The following SLC38A2 variants were observed in gnomAD, a reference collection of about 807,000 sequenced individuals.
The protein encoded by SLC38A2 is sodium-coupled neutral amino acid symporter 2.
SLC38A2 carries 11 observed loss-of-function variants against 61.5 expected under a neutral mutation model. The observed-to-expected ratio is 0.18, with a 90% CI of 0.11 to 0.30. The LOEUF (loss-of-function observed/expected upper bound fraction) is 0.30, where lower values mean the gene tolerates loss of function less well. Ranked by LOEUF, SLC38A2 falls within the 10% of genes least tolerant of loss-of-function variation. The pLI, the probability that SLC38A2 is intolerant of heterozygous loss-of-function variation, is 1.00. For synonymous variants in SLC38A2, 217 were observed against 212.5 expected (o/e 1.02, Z -0.18); for missense variants, 522 against 600.4 (o/e 0.87, Z 1.36).
At chr12:46,364,329 A>G in intron 10 of SLC38A2, 60 bp downstream of exon 10, 1 of 1,476,918 alleles carries the variant, frequency 6.8e-7, no homozygotes. Context: ...CTGGGAGTGA[A>G]TAGCTTCCCT....
rs1479334335 is a variant in SLC38A2, at chr12:46,367,517, T to C, written c.315-177A>G. On this transcript the variant is annotated intron_variant, in intron 4 of 15. Coordinates refer to ENST00000256689, the MANE Select transcript of SLC38A2 (RefSeq NM_018976.5). Reference sequence around the variant, plus strand: ...TGGAATGGCAACACTGTCTCTTGGCTGGCAGTAAAAACTTGCATCATTTCT... The same window carrying C: ...TGGAATGGCAACACTGTCTCTTGGCCGGCAGTAAAAACTTGCATCATTTCT... 6.6e-6 allele frequency: 4 copies of C among 604,314 alleles called. No homozygotes were observed. In the East Asian group the frequency reaches 1.1e-4, roughly 17 times the overall value. The allele number at this position is 604,314 out of a possible 1,614,324, so 37.4% of individuals were successfully genotyped here.
intron 8 of SLC38A2, 150 bp downstream of exon 8, chr12:46,364,957 T>C (rs1264949090): frequency 3.9e-6 from 3 of 765,868 alleles, no homozygotes; most frequent in African/African-American, 1.8e-5. Context: ...ATTAAATATT[T>C]TGGCTCCTAA....
In SLC38A2 at chr12:46,361,027, A is replaced by C; in HGVS notation, c.*84T>G. The C allele has an allele frequency of 6.7e-6, 7 of 1,041,294 alleles. No homozygotes were observed. The highest frequency in any genetic ancestry group is 1.0e-5 in the Non-Finnish European group (7 of 693,016). The allele number at this position is 1,041,294 out of a possible 1,614,324, so 64.5% of individuals were successfully genotyped here. The stretch of plus-strand genomic sequence containing the variant: ...TGCACTTCAAAAGGAAGTGAAACTG[A>C]AAACATTAGGTGAAATTTCATAGTA... On this transcript the variant is annotated 3_prime_UTR_variant, in exon 16 of 16. Transcript: ENST00000256689.
intron 9 of SLC38A2, 38 bp from the exon 10 acceptor site, chr12:46,364,594 A>G (rs756609225): frequency 1.9e-6 from 3 of 1,598,004 alleles, no homozygotes; most frequent in Admixed American, 3.6e-5. Context: ...AAACTAAGTG[A>G]CATGGCAGGG....
intron 10 of SLC38A2, 24 bp from the exon 11 acceptor site, chr12:46,364,027 CTTAA>C (rs753942327): frequency 6.3e-7 from 1 of 1,579,578 alleles, no homozygotes; most frequent in South Asian, 1.2e-5. Flanking sequence ...TAAAAATCTA[CTTAA>C]TCTGATGTAA....
At chr12:46,370,962 TACA>T (rs1175154666) in intron 2 of SLC38A2, 105 bp from the exon 3 acceptor site, 68 of 901,050 alleles carry the variant, frequency 7.5e-5, no homozygotes, top group African/African-American at 2.9e-4. Flanking sequence ...ATAGCTCTGA[TACA>T]ACATCTTTAC....
intron 10 of SLC38A2, 128 bp downstream of exon 10, chr12:46,364,261 C>T: frequency 9.6e-7 from 1 of 1,045,776 alleles, no homozygotes; most frequent in Non-Finnish European, 1.4e-6. Context: ...TCACAGTCCT[C>T]AATAATTAGC....
rs1379440894 is a variant in SLC38A2, at chr12:46,372,649, T to G, written c.-227A>C. On this transcript the variant is annotated 5_prime_UTR_variant, in exon 1 of 16. Coordinates refer to ENST00000256689, the MANE Select transcript of SLC38A2 (RefSeq NM_018976.5). ...TTTTAATAAAAAAGGAAAAGACAAA[T>G]TGCCGCCCCAATCCTCCGGCGTCCG... 5.0e-6 allele frequency: 2 copies of G among 398,284 alleles called. No homozygotes were observed. Among genetic ancestry groups the G allele is most frequent in the Non-Finnish European group, 8.9e-6 (2 of 225,924 alleles). The allele number at this position is 398,284 out of a possible 1,614,324, so 24.7% of individuals were successfully genotyped here. A position where few individuals can be genotyped will look rare whatever the true frequency, so the allele number is the denominator to read the frequency against.
Position 46,363,471 on chromosome 12 carries a change from C to A in SLC38A2, c.1054+255G>T, listed in dbSNP as rs1324243974. On this transcript the variant is annotated intron_variant, in intron 12 of 15. Coordinates refer to ENST00000256689, the MANE Select transcript of SLC38A2 (RefSeq NM_018976.5). Reference sequence around the variant, plus strand: ...GGAGAGGAGACAGGCAATATGAACTCAGAGGCTGGCATATCATACAAATAT... The same window carrying A: ...GGAGAGGAGACAGGCAATATGAACTAAGAGGCTGGCATATCATACAAATAT... Among the ~76,000 whole-genome samples, 3 of 152,070 alleles carry A rather than the reference C, an allele frequency of 2.0e-5. No individual in the cohort carries two copies. The East Asian group carries it at 5.8e-4, about 29-fold the overall frequency.
Position 46,363,042 on chromosome 12 carries a change from T to C in SLC38A2, c.1158A>G (p.Thr386=). Reference sequence around the variant, plus strand: ...TTACTGGGAAAATAACTACTGGTACTGTCAGGGTCACAGCCATTAACACAG... The same window carrying C: ...TTACTGGGAAAATAACTACTGGTACCGTCAGGGTCACAGCCATTAACACAG... The part of the protein sequence containing the change: ...RLAVLMAVTL[T]VPVVIFPIRS... The change falls in exon 13 of 16, where the codon ACA becomes ACG. Residue 386 remains threonine, a synonymous_variant. Transcript: ENST00000256689. 1.2e-6 allele frequency: 2 copies of C among 1,613,030 alleles called. No individual in the cohort carries two copies. Among genetic ancestry groups the C allele is most frequent in the East Asian group, 2.2e-5 (1 of 44,854 alleles).
At chr12:46,362,736 G>T in intron 13 of SLC38A2, 98 bp from the exon 14 acceptor site, 1 of 1,266,980 alleles carries the variant, frequency 7.9e-7, no homozygotes, top group African/African-American at 2.0e-5. Flanking sequence ...AAGTAACAAG[G>T]AATCTATCCA....
At chr12:46,362,834 T>G (rs745360635) in intron 13 of SLC38A2, 187 bp downstream of exon 13, 18 of 958,824 alleles carry the variant, frequency 1.9e-5, no homozygotes, top group South Asian at 3.7e-5. Flanking sequence ...TTATATCTTA[T>G]GGTGAAAAAA....
At chr12:46,363,267 C>T (rs886878670) in intron 12 of SLC38A2, 122 bp from the exon 13 acceptor site, 57 of 1,143,634 alleles carry the variant, frequency 5.0e-5, no homozygotes, top group Non-Finnish European at 6.2e-5. Flanking sequence ...AACTAAGAGG[C>T]TAATAAGATT....
intron 6 of SLC38A2, 35 bp from the exon 7 acceptor site, chr12:46,366,980 A>G: frequency 6.2e-7 from 1 of 1,610,412 alleles, no homozygotes; most frequent in Non-Finnish European, 8.5e-7. Context: ...TTACAAGTGC[A>G]AAACGCGGCA....
At chr12:46,362,417 TG>T (rs767255410) in intron 14 of SLC38A2, 36 bp from the exon 15 acceptor site, 9 of 1,601,174 alleles carry the variant, frequency 5.6e-6, no homozygotes, top group Non-Finnish European at 6.8e-6. Flanking sequence ...GAGGATTCAA[TG>T]AACCACTCGT....
Position 46,364,246 on chromosome 12 carries a change from T to G in SLC38A2, c.873+143A>C, listed in dbSNP as rs545850582. On this transcript the variant is annotated intron_variant, in intron 10 of 15. Coordinates refer to ENST00000256689, the MANE Select transcript of SLC38A2 (RefSeq NM_018976.5). ...TCTATTTTCAGATGTAAACCAAAAC[T>G]TTCTTCACAGTCCTCAATAATTAGC... 4.2e-6 allele frequency: 4 copies of G among 962,870 alleles called. No individual in the cohort carries two copies. The South Asian group carries it at 7.3e-5, about 18-fold the overall frequency. The allele number at this position is 962,870 out of a possible 1,614,324, so 59.6% of individuals were successfully genotyped here. A position where few individuals can be genotyped will look rare whatever the true frequency, so the allele number is the denominator to read the frequency against.
At chr12:46,363,695 T>C (rs1323907099) in intron 12 of SLC38A2, 31 bp downstream of exon 12, 5 of 1,432,474 alleles carry the variant, frequency 3.5e-6, no homozygotes, top group Non-Finnish European at 4.7e-6. Context: ...TTTGTTTTTG[T>C]TTTTGTTTTG....
At chr12:46,367,755 A>C (rs1943153955) in intron 4 of SLC38A2, among the ~76,000 whole-genome samples, 1 of 152,172 alleles carries the variant, frequency 6.6e-6, no homozygotes, top group Admixed American at 6.5e-5. Context: ...TCCGCCACTA[A>C]ACCCAGCCCA....
intron 4 of SLC38A2, among the ~76,000 whole-genome samples, chr12:46,368,287 G>C (rs776739620): frequency 6.6e-6 from 1 of 152,118 alleles, no homozygotes; most frequent in Non-Finnish European, 1.5e-5. Context: ...GCCCACTATT[G>C]TCACAGTTAA....
Sources: allele counts gnomAD v4.1 joint callset (sites outside exome capture counted in the v4.1 genomes callset), GRCh38; gene constraint gnomAD v4.1.1; transcripts MANE v1.5; gene names NCBI Gene and HGNC (gene_info 2026-07-23, HGNC 2026-07-21).